Variants in SPOCK3 observed in about 807,000 individuals in gnomAD.
SPOCK3 encodes the protein testican-3.
A neutral mutation model predicts 56.6 loss-of-function variants in SPOCK3; 30 were observed. That is an observed-to-expected ratio of 0.53 (90% CI 0.40 to 0.72). SPOCK3 has a LOEUF of 0.72. SPOCK3 is among the 30% of genes least tolerant of loss of function. SPOCK3 has a pLI of 0.00. For missense variants in SPOCK3, 527 were observed against 530.0 expected (o/e 0.99, Z 0.06); for synonymous variants, 196 against 183.3 (o/e 1.07, Z -0.56).
chr4:167,028,927 G>C (rs886679934), intron 3 of SPOCK3, among the ~76,000 whole-genome samples: 8 of 151,812 alleles, frequency 5.3e-5, no homozygotes, highest in African/African-American at 1.9e-4. Flanking sequence ...TTTCTTCAAT[G>C]CTTATTTTAA....
intron 5 of SPOCK3, among the ~76,000 whole-genome samples, chr4:166,908,059 G>T (rs755869218): frequency 7.9e-5 from 12 of 151,922 alleles, no homozygotes; most frequent in Non-Finnish European, 1.8e-4. Flanking sequence ...AACTTCTCAT[G>T]ATTAGGTGTC....
At chr4:166,887,668 A>C (rs1387227417) in intron 6 of SPOCK3, among the ~76,000 whole-genome samples, 4 of 152,024 alleles carry the variant, frequency 2.6e-5, no homozygotes, top group Admixed American at 1.3e-4. Flanking sequence ...GGACTACAGA[A>C]GGAACCACAC....
chr4:166,892,383 C>A (rs929620696), intron 5 of SPOCK3, among the ~76,000 whole-genome samples: 3 of 151,604 alleles, frequency 2.0e-5, no homozygotes, highest in African/African-American at 4.8e-5. Flanking sequence ...AGCAAATATG[C>A]CCTTTGTATA....
rs964294304 is a variant in SPOCK3, at chr4:166,743,199, T to C, written c.932-1140A>G. 7.9e-5 allele frequency among the ~76,000 whole-genome samples: 12 copies of C among 152,226 alleles called. 1 individual carries two copies. The highest frequency in any genetic ancestry group is 2.9e-4 in the African/African-American group (12 of 41,554). On this transcript the variant is annotated intron_variant, in intron 8 of 10. Coordinates refer to ENST00000357545, the MANE Select transcript of SPOCK3 (RefSeq NM_001040159.2). ...AAAAGCTTGCTGTTAATGCTTGCTA[T>C]ATAAAAGTGGCATTAGAAAATAGTA...
In SPOCK3 at chr4:166,734,232, G is replaced by C. The variant is rs954439412; in HGVS notation, c.*689C>G. On this transcript the variant is annotated 3_prime_UTR_variant, in exon 11 of 11. Coordinates refer to ENST00000357545, the MANE Select transcript of SPOCK3 (RefSeq NM_001040159.2). ...AGAATCTTTTAAAAAATCTGCATGA[G>C]ACTGCCATCCAAATTAAAATACACA... The C allele has an allele frequency of 1.3e-5, 2 of 151,752 alleles. No individual in the cohort carries two copies. The highest frequency in any genetic ancestry group is 4.8e-5 in the African/African-American group (2 of 41,388). The allele number at this position is 151,752 out of a possible 1,614,324, so 9.4% of individuals were successfully genotyped here. A position where few individuals can be genotyped will look rare whatever the true frequency, so the allele number is the denominator to read the frequency against.
chr4:166,924,450 A>G (rs1454567591), intron 4 of SPOCK3, among the ~76,000 whole-genome samples: 4 of 152,216 alleles, frequency 2.6e-5, no homozygotes, highest in African/African-American at 9.6e-5. Context: ...TTGGTTTGTC[A>G]CATGACTTTT....
intron 6 of SPOCK3, among the ~76,000 whole-genome samples, chr4:166,844,106 C>A (rs1406758604): frequency 1.3e-5 from 2 of 152,160 alleles, no homozygotes; most frequent in East Asian, 3.9e-4. Context: ...TGGTTCTAAG[C>A]CACTACAATT....
chr4:167,144,719 C>T (rs1225714539), intron 2 of SPOCK3, among the ~76,000 whole-genome samples: 1 of 83,256 alleles, frequency 1.2e-5, no homozygotes, highest in Non-Finnish European at 2.3e-5. Flanking sequence ...ATGCAGATAT[C>T]TAGGAAAAAA....
In SPOCK3 at chr4:166,889,116, T is replaced by G; in HGVS notation, c.589+14A>C. ...TGATGAATGTAAAATTATAAATATA[T>G]TTTTGTCACTTACCTCTCTTAACAT... On this transcript the variant is annotated intron_variant, in intron 6 of 10. Transcript: ENST00000357545. The G allele has an allele frequency of 6.9e-7, 1 of 1,443,546 alleles. No homozygotes were observed. Among genetic ancestry groups the G allele is most frequent in the South Asian group, 1.1e-5 (1 of 87,126 alleles). The allele number at this position is 1,443,546 out of a possible 1,614,324, so 89.4% of individuals were successfully genotyped here.
At chr4:166,912,937 C>T (rs1032913686) in intron 4 of SPOCK3, among the ~76,000 whole-genome samples, 194 bp from the exon 5 acceptor site, 1 of 152,028 alleles carries the variant, frequency 6.6e-6, no homozygotes, top group African/African-American at 2.4e-5. Flanking sequence ...TTAAGGCTTG[C>T]CTCTGATAAA....
At chr4:167,098,304 T>G (rs763066394) in intron 2 of SPOCK3, among the ~76,000 whole-genome samples, 4 of 151,976 alleles carry the variant, frequency 2.6e-5, no homozygotes, top group Non-Finnish European at 4.4e-5. Flanking sequence ...ATAAAGTGGG[T>G]TCTTCCTGCT....
At chr4:167,055,365 C>T (rs192637483) in intron 3 of SPOCK3, among the ~76,000 whole-genome samples, 7 of 152,286 alleles carry the variant, frequency 4.6e-5, no homozygotes, top group Admixed American at 1.3e-4. Flanking sequence ...CAGCTCCCAG[C>T]GTGAGCAACG....
chr4:166,770,199 C>A lies in SPOCK3; in HGVS notation c.710-15470G>T, dbSNP rs1186923630. Among the ~76,000 whole-genome samples the A allele has an allele frequency of 3.3e-5, 5 of 152,052 alleles. No individual in the cohort carries two copies. In the South Asian group the frequency reaches 1.0e-3, roughly 31 times the overall value. On this transcript the variant is annotated intron_variant, in intron 7 of 10. Coordinates refer to ENST00000357545, the MANE Select transcript of SPOCK3 (RefSeq NM_001040159.2). ...GTGGGCTGCACCCACTGTCCTGCCC[C>A]CACTGTCCGATAAGCCCCAGTGAGA... is the stretch of plus-strand genomic sequence containing the variant.
Position 167,168,201 on chromosome 4 carries a change from T to C in SPOCK3, c.189+65784A>G, listed in dbSNP as rs954726713. 3.3e-5 allele frequency among the ~76,000 whole-genome samples: 5 copies of C among 151,986 alleles called. No individual in the cohort carries two copies. The East Asian group carries it at 9.7e-4, about 29-fold the overall frequency. ...CAGCAGGAGAAAGAACTTAATACAGTAAATTGGTACTGGTAGAGTGCGGTG... is the reference window on the plus strand; with the variant it reads ...CAGCAGGAGAAAGAACTTAATACAGCAAATTGGTACTGGTAGAGTGCGGTG... On this transcript the variant is annotated intron_variant, in intron 2 of 10. Coordinates refer to ENST00000357545, the MANE Select transcript of SPOCK3 (RefSeq NM_001040159.2).
chr4:166,975,362 T>C (rs947151913), intron 4 of SPOCK3, among the ~76,000 whole-genome samples: 6 of 152,164 alleles, frequency 3.9e-5, no homozygotes, highest in Non-Finnish European at 7.3e-5. Flanking sequence ...AAATTTTTAA[T>C]GTTTAATTTT....
At chr4:166,932,281 C>A (rs1393563135) in intron 4 of SPOCK3, among the ~76,000 whole-genome samples, 1 of 152,104 alleles carries the variant, frequency 6.6e-6, no homozygotes. Context: ...AGTATCATAT[C>A]TGTTTTATCA....
intron 6 of SPOCK3, among the ~76,000 whole-genome samples, chr4:166,796,836 G>A (rs1310931532): frequency 6.6e-6 from 1 of 152,162 alleles, no homozygotes; most frequent in Non-Finnish European, 1.5e-5. Flanking sequence ...TTGTATATAA[G>A]TGTAGTACAG....
intron 2 of SPOCK3, among the ~76,000 whole-genome samples, chr4:167,222,715 ATATT>A (rs1307838974): frequency 7.5e-6 from 1 of 132,940 alleles, no homozygotes; most frequent in East Asian, 2.2e-4. Flanking sequence ...ACATAGATAT[ATATT>A]GATATATGAA....
intron 3 of SPOCK3, among the ~76,000 whole-genome samples, chr4:167,049,731 T>C (rs1340925881): frequency 6.6e-6 from 1 of 152,176 alleles, no homozygotes; most frequent in Non-Finnish European, 1.5e-5. Flanking sequence ...ACTATATTTC[T>C]AGATTCTAAA....
Sources: allele counts gnomAD v4.1 joint callset (sites outside exome capture counted in the v4.1 genomes callset), GRCh38; gene constraint gnomAD v4.1.1; transcripts MANE v1.5; gene names NCBI Gene and HGNC (gene_info 2026-07-23, HGNC 2026-07-21).